Variants in MBNL1 observed in about 807,000 individuals in gnomAD.
MBNL1 encodes muscleblind-like protein 1.
Under a neutral mutation model 42.2 loss-of-function variants are expected in MBNL1, and 8 were observed. That is an observed-to-expected ratio of 0.19 (90% CI 0.11 to 0.34). The LOEUF (loss-of-function observed/expected upper bound fraction) is 0.34. Among genes scored for constraint, MBNL1 ranks in the 10% least tolerant of loss-of-function variants. The pLI, the probability that MBNL1 is intolerant of heterozygous loss-of-function variation, is 1.00. For missense variants in MBNL1, 309 were observed against 495.3 expected, an observed-to-expected ratio of 0.62 and a Z score of 3.57; for synonymous variants, 169 against 173.9, an observed-to-expected ratio of 0.97 and a Z score of 0.22.
chr3:152,333,035 C>T (rs1014994317), intron 2 of MBNL1, among the ~76,000 whole-genome samples: 2 of 152,076 alleles, frequency 1.3e-5, no homozygotes, highest in Non-Finnish European at 2.9e-5. Flanking sequence ...CAGCCCACAC[C>T]TTACAGATGA....
chr3:152,436,447 C>T (rs2099079564), intron 4 of MBNL1, among the ~76,000 whole-genome samples: 1 of 152,138 alleles, frequency 6.6e-6, no homozygotes, highest in Admixed American at 6.5e-5. Flanking sequence ...ATGCTGTTTG[C>T]AGATGGATTA....
intron 2 of MBNL1, among the ~76,000 whole-genome samples, chr3:152,358,378 T>C (rs2095679884): frequency 6.6e-6 from 1 of 152,166 alleles, no homozygotes; most frequent in Admixed American, 6.6e-5. Context: ...CATTGGCTTC[T>C]TGAGAATTGT....
chr3:152,308,826 T>A (rs950375150), intron 2 of MBNL1, among the ~76,000 whole-genome samples: 3 of 152,118 alleles, frequency 2.0e-5, no homozygotes, highest in Non-Finnish European at 4.4e-5. Flanking sequence ...TTTGTTTTTT[T>A]TTTTGGCATT....
intron 6 of MBNL1, among the ~76,000 whole-genome samples, chr3:152,452,192 T>C (rs1002495132): frequency 9.2e-5 from 14 of 152,240 alleles, no homozygotes; most frequent in Non-Finnish European, 1.3e-4. Context: ...GATTGATTAT[T>C]TGTAGATATT....
At chr3:152,279,558 G>A (rs139732794) in intron 1 of MBNL1, among the ~76,000 whole-genome samples, 4 of 151,902 alleles carry the variant, frequency 2.6e-5, no homozygotes, top group East Asian at 1.9e-4. Flanking sequence ...ATAGCGTATC[G>A]TTTGACAAAT....
chr3:152,409,735 A>G (rs2098521767), intron 2 of MBNL1, among the ~76,000 whole-genome samples: 3 of 152,204 alleles, frequency 2.0e-5, no homozygotes, highest in Admixed American at 6.5e-5. Context: ...CTTTATTTCC[A>G]GAGTCTACTT....
At chr3:152,305,170 A>G (rs1387816769) in intron 2 of MBNL1, among the ~76,000 whole-genome samples, 2 of 152,202 alleles carry the variant, frequency 1.3e-5, no homozygotes, top group African/African-American at 4.8e-5. Flanking sequence ...CCTTGAAACA[A>G]TTGCATATAT....
intron 2 of MBNL1, among the ~76,000 whole-genome samples, chr3:152,318,886 A>T (rs1247560927): frequency 6.6e-6 from 1 of 152,190 alleles, no homozygotes; most frequent in Non-Finnish European, 1.5e-5. Flanking sequence ...CTGCCTATTT[A>T]AAGTCCCCTG....
intron 2 of MBNL1, among the ~76,000 whole-genome samples, chr3:152,317,604 G>A (rs1481379498): frequency 6.6e-6 from 1 of 152,152 alleles, no homozygotes; most frequent in Non-Finnish European, 1.5e-5. Context: ...ACAGGCGTGA[G>A]CCACCGTGCC....
chr3:152,347,735 C>T (rs760078229), intron 2 of MBNL1, among the ~76,000 whole-genome samples: 5 of 152,082 alleles, frequency 3.3e-5, no homozygotes, highest in Admixed American at 6.6e-5. Context: ...GTATACCTGC[C>T]GCCATCTTGA....
intron 1 of MBNL1, among the ~76,000 whole-genome samples, chr3:152,285,629 ATT>A (rs35445762): frequency 9.3e-5 from 12 of 128,952 alleles, no homozygotes; most frequent in Non-Finnish European, 1.1e-4. Context: ...TTTTTTTTCA[ATT>A]TTTTTTTTTT....
At chr3:152,317,618 C>A (rs1047456002) in intron 2 of MBNL1, among the ~76,000 whole-genome samples, 1 of 152,148 alleles carries the variant, frequency 6.6e-6, no homozygotes, top group Non-Finnish European at 1.5e-5. Context: ...CCGTGCCTGG[C>A]CTATTTTTTG....
chr3:152,456,470 C>T (rs535562125), intron 8 of MBNL1, 109 bp downstream of exon 8: 8 of 866,164 alleles, frequency 9.2e-6, no homozygotes, highest in East Asian at 2.5e-5. Flanking sequence ...ATCGTGTGTA[C>T]GTGAGGGCTG....
At chr3:152,381,297 G>C (rs1019254402) in intron 2 of MBNL1, among the ~76,000 whole-genome samples, 1 of 151,814 alleles carries the variant, frequency 6.6e-6, no homozygotes, top group Non-Finnish European at 1.5e-5. Context: ...TTAGACTTCT[G>C]TCTATATACT....
chr3:152,271,263 A>G (rs1019659390), intron 1 of MBNL1, among the ~76,000 whole-genome samples: 22 of 152,144 alleles, frequency 1.4e-4, no homozygotes, highest in Non-Finnish European at 5.9e-5. Flanking sequence ...TTCCTATGAA[A>G]TGAAACACTG....
chr3:152,338,408 C>A, intron 2 of MBNL1: 1 of 985,404 alleles, frequency 1.0e-6, no homozygotes, highest in Non-Finnish European at 1.2e-6. Flanking sequence ...TATTCCTCCC[C>A]CTGCTGCTAC....
At chr3:152,431,521 T>C (rs931857787) in intron 3 of MBNL1, among the ~76,000 whole-genome samples, 12 of 152,238 alleles carry the variant, frequency 7.9e-5, no homozygotes, top group African/African-American at 2.9e-4. Flanking sequence ...TATATTCAGA[T>C]ATCATGTAAC....
At position 152,277,187 on chromosome 3, in the gene MBNL1, G is replaced by A. The variant is rs370197009; in HGVS notation, c.-790+8095G>A. Among the ~76,000 whole-genome samples, 173 of 152,144 alleles carry A rather than the reference G, an allele frequency of 1.1e-3. No homozygotes were observed. In the South Asian group the frequency reaches 0.019, roughly 17 times the overall value. ...TAATTTCTTAAAACATTTCATTTCT[G>A]TGCTAAGCTCTTTCAAAGCACTGGA... On this transcript the variant is annotated intron_variant, in intron 1 of 9. Transcript: ENST00000324210.
chr3:152,273,456 C>G lies in MBNL1; in HGVS notation c.-790+4364C>G, dbSNP rs116194038. ...AGAACATCTCTTTCAGATAATCGTTCATGTTTTTAGAGAGGCATCTCATCA... is the reference window on the plus strand; with the variant it reads ...AGAACATCTCTTTCAGATAATCGTTGATGTTTTTAGAGAGGCATCTCATCA... On this transcript the variant is annotated intron_variant, in intron 1 of 9. Coordinates refer to ENST00000324210, the MANE Select transcript of MBNL1 (RefSeq NM_021038.5). Among the ~76,000 whole-genome samples the G allele has an allele frequency of 6.4e-3, 972 of 152,064 alleles. 9 individuals are homozygous for G. The highest frequency in any genetic ancestry group is 0.022 in the African/African-American group (929 of 41,502).
Sources: gnomAD v4.1 joint callset for allele counts (sites outside exome capture counted in the v4.1 genomes callset) on GRCh38, gnomAD v4.1.1 for gene constraint, MANE v1.5 for transcripts, NCBI Gene and HGNC (gene_info 2026-07-23, HGNC 2026-07-21) for gene names.